The following RBFOX2 variants were observed in gnomAD, a reference collection of about 807,000 sequenced individuals.
RBFOX2 encodes RNA binding fox-1 homolog 2, also known as RNA binding protein fox-1 homolog 2.
Under a neutral mutation model 49.1 loss-of-function variants are expected in RBFOX2, and 10 were observed. The ratio of observed to expected loss-of-function variants is 0.20; its 90% CI spans 0.13 to 0.35. RBFOX2 has a LOEUF of 0.35. Among genes scored for constraint, RBFOX2 ranks in the 10% least tolerant of loss-of-function variants. RBFOX2 has a pLI of 1.00. For synonymous variants in RBFOX2, 183 were observed against 187.4 expected (o/e 0.98, Z 0.19); for missense variants, 323 against 486.9 (o/e 0.66, Z 3.17).
chr22:35,859,786 C>G (rs1259980508), intron 1 of RBFOX2, among the ~76,000 whole-genome samples: 2 of 152,194 alleles, frequency 1.3e-5, no homozygotes, highest in East Asian at 3.9e-4. Context: ...TGGTCTCACA[C>G]TCCTGACCTC....
At chr22:35,769,177 A>G (rs149051038) in intron 4 of RBFOX2, among the ~76,000 whole-genome samples, 1 of 152,320 alleles carries the variant, frequency 6.6e-6, no homozygotes, top group Non-Finnish European at 1.5e-5. Flanking sequence ...GGTAGTAGTA[A>G]CTTTCTATAT....
At chr22:35,763,996 T>A (rs572149853) in intron 6 of RBFOX2, among the ~76,000 whole-genome samples, 60 of 151,416 alleles carry the variant, frequency 4.0e-4, no homozygotes, top group Middle Eastern at 3.4e-3. Context: ...ATTCTTTGCC[T>A]CTCCTTTCTA....
At chr22:35,799,278 A>C (rs1199577924) in intron 2 of RBFOX2, among the ~76,000 whole-genome samples, 2 of 152,226 alleles carry the variant, frequency 1.3e-5, no homozygotes, top group Non-Finnish European at 2.9e-5. Context: ...AGATACAGGA[A>C]CTGAGGTCCT....
intron 11 of RBFOX2, among the ~76,000 whole-genome samples, chr22:35,745,687 G>T (rs1228413918): frequency 2.0e-5 from 3 of 152,068 alleles, no homozygotes; most frequent in African/African-American, 7.2e-5. Flanking sequence ...CCACTACTCG[G>T]GGCATATTAT....
At chr22:35,799,122 T>C (rs1395674384) in intron 2 of RBFOX2, among the ~76,000 whole-genome samples, 1 of 152,206 alleles carries the variant, frequency 6.6e-6, no homozygotes, top group Non-Finnish European at 1.5e-5. Flanking sequence ...GAGAATTATT[T>C]CCTACCCTTA....
Position 35,749,544 on chromosome 22 carries a change from C to T in RBFOX2, c.888-2983G>A, listed in dbSNP as rs59286494. ...ACGCACACACACACATACACTTACT[C>T]GAAAGTATTTTTGCTGCTTTATTCA... On this transcript the variant is annotated intron_variant, in intron 9 of 11. Transcript: ENST00000405409. This position sits in a 1 kb window ranked among gnomAD's most constrained non-coding sequence, Gnocchi z 4.1. 4.0e-5 allele frequency among the ~76,000 whole-genome samples: 6 copies of T among 151,730 alleles called. No individual in the cohort carries two copies. The highest frequency in any genetic ancestry group is 2.1e-4 in the South Asian group (1 of 4,806).
intron 1 of RBFOX2, among the ~76,000 whole-genome samples, chr22:35,937,027 A>G (rs1037227219): frequency 1.3e-5 from 2 of 152,214 alleles, no homozygotes; most frequent in African/African-American, 4.8e-5. Flanking sequence ...ACATGTCCTA[A>G]GTGAAAAGTA....
chr22:35,846,479 G>A (rs765634477), intron 1 of RBFOX2, among the ~76,000 whole-genome samples: 1 of 151,798 alleles, frequency 6.6e-6, no homozygotes, highest in Non-Finnish European at 1.5e-5. Context: ...CCTTTAGGCT[G>A]GGCATAGTGG....
At chr22:35,844,678 T>G (rs77306892), upstream of RBFOX2, among the ~76,000 whole-genome samples, 1 of 150,378 alleles carries the variant, frequency 6.6e-6, no homozygotes, top group Non-Finnish European at 1.5e-5. Context: ...TTTTTTTTTT[T>G]GCATTTTTAG....
intron 1 of RBFOX2, among the ~76,000 whole-genome samples, chr22:35,857,552 A>AACAGGT (rs1318365857): frequency 1.3e-5 from 2 of 152,212 alleles, no homozygotes; most frequent in Non-Finnish European, 2.9e-5. Context: ...GAGAAGGTAT[A>AACAGGT]ACAGGTACTC....
intron 1 of RBFOX2, among the ~76,000 whole-genome samples, chr22:35,852,486 TA>T (rs576605291): frequency 3.7e-3 from 472 of 128,962 alleles, no homozygotes; most frequent in Non-Finnish European, 4.0e-3. Context: ...CCTTTCTTTT[TA>T]AAAAAAAAAA....
chr22:35,840,187 CTTACCT>C lies in RBFOX2; in HGVS notation c.26_27+4del. ...AGAAACATGCCGAGGAAGCACAAATCTTACCTGAGTTACCATTTTCTTTTTCTCCAT... is the reference window on the plus strand; with the variant it reads ...AGAAACATGCCGAGGAAGCACAAATCGAGTTACCATTTTCTTTTTCTCCAT... On this transcript the variant is annotated splice_donor_variant and splice_donor_region_variant and coding_sequence_variant and intron_variant, in exon 1 of 12. Transcript: ENST00000405409. LOFTEE classifies it high-confidence loss of function. 1 of 1,614,022 alleles carries C rather than the reference CTTACCT, an allele frequency of 6.2e-7. No individual in the cohort carries two copies. Among genetic ancestry groups the C allele is most frequent in the Non-Finnish European group, 8.5e-7 (1 of 1,179,892 alleles).
chr22:35,893,287 A>G (rs1009006815), intron 1 of RBFOX2, among the ~76,000 whole-genome samples: 1 of 152,202 alleles, frequency 6.6e-6, no homozygotes, highest in African/African-American at 2.4e-5. Context: ...TAGCATTGGT[A>G]GGGAAGCTCT....
At chr22:35,944,025 A>T (rs1168199003) in intron 1 of RBFOX2, among the ~76,000 whole-genome samples, 1 of 152,234 alleles carries the variant, frequency 6.6e-6, no homozygotes, top group Non-Finnish European at 1.5e-5. Context: ...ATGCTCCTAT[A>T]TGTACCTACA....
At chr22:35,744,724 C>A (rs1931768518) in intron 11 of RBFOX2, among the ~76,000 whole-genome samples, 1 of 152,222 alleles carries the variant, frequency 6.6e-6, no homozygotes, top group Non-Finnish European at 1.5e-5. Flanking sequence ...TGAGATGGTG[C>A]CACATCTAAA....
intron 5 of RBFOX2, among the ~76,000 whole-genome samples, chr22:35,766,021 T>C (rs1038176682): frequency 6.6e-6 from 1 of 152,232 alleles, no homozygotes; most frequent in Non-Finnish European, 1.5e-5. Flanking sequence ...TTCAGGACCA[T>C]TCTGAATTTT....
intron 1 of RBFOX2, among the ~76,000 whole-genome samples, chr22:35,815,712 T>C (rs1952892972): frequency 6.6e-6 from 1 of 152,242 alleles, no homozygotes; most frequent in Admixed American, 6.5e-5. Context: ...GAGCATATTC[T>C]CACCAGTTTA....
chr22:35,972,390 G>A (rs1039790488), intron 1 of RBFOX2, among the ~76,000 whole-genome samples: 1 of 150,448 alleles, frequency 6.6e-6, no homozygotes, highest in African/African-American at 2.5e-5. Flanking sequence ...AAGTCAAACC[G>A]CTTATATTCG....
intron 4 of RBFOX2, among the ~76,000 whole-genome samples, chr22:35,769,699 T>C (rs1942108086): frequency 6.6e-6 from 1 of 152,186 alleles, no homozygotes; most frequent in Non-Finnish European, 1.5e-5. Flanking sequence ...ACTGAAGTTC[T>C]GCCTAGCTGC....
Sources: gnomAD v4.1 joint callset for allele counts (sites outside exome capture counted in the v4.1 genomes callset) on GRCh38, gnomAD v4.1.1 for gene constraint, Gnocchi (gnomAD v3.1) non-coding constraint, MANE v1.5 for transcripts, NCBI Gene and HGNC (gene_info 2026-07-23, HGNC 2026-07-21) for gene names.